RSRC1: variants seen among roughly 807,000 people sequenced by gnomAD.
RSRC1 encodes arginine and serine rich coiled-coil 1, also known as serine/Arginine-related protein 53.
In RSRC1, 39 loss-of-function variants were observed where a neutral mutation model predicts 49.1. The ratio of observed to expected loss-of-function variants is 0.79; its 90% CI spans 0.61 to 1.04. The LOEUF (loss-of-function observed/expected upper bound fraction) is 1.04, where lower values mean the gene tolerates loss of function less well. RSRC1 is among the 50% of genes least tolerant of loss of function. The probability of loss-of-function intolerance (pLI) is 0.00; values close to 1 mark genes in which losing one functional copy is unlikely to be tolerated. For synonymous variants in RSRC1, 143 were observed against 130.8 expected (o/e 1.09, Z -0.63); for missense variants, 388 against 402.4 (o/e 0.96, Z 0.31).
chr3:158,466,727 C>T (rs1173371340), intron 7 of RSRC1, among the ~76,000 whole-genome samples: 1 of 152,166 alleles, frequency 6.6e-6, no homozygotes, highest in Non-Finnish European at 1.5e-5. Context: ...ATGATAAAAG[C>T]TGCCTGGAAT....
intron 6 of RSRC1, among the ~76,000 whole-genome samples, chr3:158,404,838 C>T (rs916552206): frequency 3.3e-5 from 5 of 151,982 alleles, no homozygotes; most frequent in African/African-American, 1.2e-4. Context: ...TCCATTTGTC[C>T]TCCCTCAAAC....
At chr3:158,507,881 T>C (rs1739937555) in intron 7 of RSRC1, among the ~76,000 whole-genome samples, 1 of 152,050 alleles carries the variant, frequency 6.6e-6, no homozygotes, top group African/African-American at 2.4e-5. Context: ...GAGACCAGCC[T>C]AGGTAACATA....
chr3:158,131,700 A>G (rs1716036642), intron 3 of RSRC1, among the ~76,000 whole-genome samples: 1 of 152,116 alleles, frequency 6.6e-6, no homozygotes, highest in African/African-American at 2.4e-5. Flanking sequence ...CATTTTGTGA[A>G]TGTGACATGA....
At chr3:158,331,816 T>G (rs1729563907) in intron 5 of RSRC1, among the ~76,000 whole-genome samples, 1 of 150,960 alleles carries the variant, frequency 6.6e-6, no homozygotes, top group African/African-American at 2.4e-5. Flanking sequence ...CATTTTGGTA[T>G]AGTGGTCTTT....
At chr3:158,337,685 C>T (rs895583771) in intron 5 of RSRC1, among the ~76,000 whole-genome samples, 8 of 152,014 alleles carry the variant, frequency 5.3e-5, no homozygotes, top group African/African-American at 1.9e-4. Flanking sequence ...AACAAGATAC[C>T]TCCATTATGT....
chr3:158,203,365 G>A lies in RSRC1; in HGVS notation c.494+120G>A. The A allele has an allele frequency of 7.0e-6, 7 of 994,458 alleles. No individual in the cohort carries two copies. In the Admixed American group the frequency reaches 9.0e-5, roughly 13 times the overall value. The allele number at this position is 994,458 out of a possible 1,614,324, so 61.6% of individuals were successfully genotyped here. ...ATTTGCTATAAGAGTAGAAGAAAAT[G>A]GAATAAAAAGAGAGAATACAGTAGA... On this transcript the variant is annotated intron_variant, in intron 4 of 9. Coordinates refer to ENST00000611884, the MANE Select transcript of RSRC1 (RefSeq NM_001271838.2).
At chr3:158,190,769 A>G (rs1297802604) in intron 3 of RSRC1, among the ~76,000 whole-genome samples, 1 of 151,662 alleles carries the variant, frequency 6.6e-6, no homozygotes, top group East Asian at 1.9e-4. Context: ...GTTGCTTTGT[A>G]TGGATGTTGG....
At position 158,367,208 on chromosome 3, in the gene RSRC1, C is replaced by T. The variant is rs557396268; in HGVS notation, c.583+12300C>T. Among the ~76,000 whole-genome samples the T allele has an allele frequency of 7.2e-5, 11 of 152,176 alleles. No homozygotes were observed. The East Asian group carries it at 1.5e-3, about 21-fold the overall frequency. On this transcript the variant is annotated intron_variant, in intron 6 of 9. Transcript: ENST00000611884. ...GTGGTGAGAGAGGGCATCCTTGTCT[C>T]GTGCCGGTTTTCAAAGGGCATGCTT...
At chr3:158,278,910 G>A (rs1176318680) in intron 4 of RSRC1, among the ~76,000 whole-genome samples, 1 of 152,096 alleles carries the variant, frequency 6.6e-6, no homozygotes, top group Admixed American at 6.6e-5. Flanking sequence ...ATACTATAAA[G>A]AGTGTTCAGT....
In RSRC1 at chr3:158,284,388, A is replaced by C. The variant is rs573960924; in HGVS notation, c.495-13651A>C. On this transcript the variant is annotated intron_variant, in intron 4 of 9. Coordinates refer to ENST00000611884, the MANE Select transcript of RSRC1 (RefSeq NM_001271838.2). ...GTGTCTTTATAGCGGCATGATTTAT[A>C]GTCCTTTGGGTATATACCCAGTAAT... 8.2e-5 allele frequency among the ~76,000 whole-genome samples: 12 copies of C among 146,856 alleles called. No homozygotes were observed. In the East Asian group the frequency reaches 1.9e-3, roughly 23 times the overall value.
rs1560082397 is a variant in RSRC1 at position 158,545,218 on chromosome 3, T to TTTTTTTTG, written c.*944_*945insTTTTTTGT. 4.3e-5 allele frequency: 6 copies of TTTTTTTTG among 139,460 alleles called. No homozygotes were observed. Among genetic ancestry groups the TTTTTTTTG allele is most frequent in the African/African-American group, 1.7e-4 (6 of 36,276 alleles). The allele number at this position is 139,460 out of a possible 1,614,324, so 8.6% of individuals were successfully genotyped here. A position where few individuals can be genotyped will look rare whatever the true frequency, so the allele number is the denominator to read the frequency against. On this transcript the variant is annotated 3_prime_UTR_variant, in exon 10 of 10. Transcript: ENST00000611884. ...CTTTTTTTTTTTTTTTTTTTTTTTT[T>TTTTTTTTG]TGAGACGGAGTCTCGCTCTATCCCC...
intron 3 of RSRC1, 46 bp from the exon 4 acceptor site, chr3:158,203,026 T>C: frequency 2.0e-6 from 3 of 1,468,546 alleles, no homozygotes; most frequent in Middle Eastern, 1.8e-4. Flanking sequence ...CTTTTCACGA[T>C]ACAAATTATA....
chr3:158,262,219 G>T (rs1465063159), intron 4 of RSRC1, among the ~76,000 whole-genome samples: 1 of 152,082 alleles, frequency 6.6e-6, no homozygotes, highest in Non-Finnish European at 1.5e-5. Flanking sequence ...AAGGTCCAAA[G>T]ATTTTCTTCT....
At chr3:158,200,469 TTTTG>T (rs1420012851) in intron 3 of RSRC1, among the ~76,000 whole-genome samples, 3 of 152,224 alleles carry the variant, frequency 2.0e-5, no homozygotes, top group Non-Finnish European at 2.9e-5. Context: ...TTTTACAATA[TTTTG>T]TTTATTAATA....
intron 7 of RSRC1, among the ~76,000 whole-genome samples, chr3:158,504,170 G>C (rs548692490): frequency 3.9e-5 from 6 of 152,326 alleles, no homozygotes; most frequent in Admixed American, 6.5e-5. Context: ...GTGTGTTCGG[G>C]AGAGGAGGCT....
At chr3:158,474,414 G>A (rs7617165) in intron 7 of RSRC1, among the ~76,000 whole-genome samples, 65,569 of 152,022 alleles carry the variant, frequency 0.43, 14,419 homozygotes, top group African/African-American at 0.52. Context: ...GCAAGTTGCA[G>A]TATTTTTGTT....
chr3:158,351,467 T>C (rs1198437641), intron 5 of RSRC1, among the ~76,000 whole-genome samples: 1 of 152,246 alleles, frequency 6.6e-6, no homozygotes, highest in Non-Finnish European at 1.5e-5. Flanking sequence ...GTTTGATCAA[T>C]GTAACAGTAT....
chr3:158,201,831 T>A (rs1439309832), intron 3 of RSRC1, among the ~76,000 whole-genome samples: 1 of 152,178 alleles, frequency 6.6e-6, no homozygotes, highest in Non-Finnish European at 1.5e-5. Flanking sequence ...TCATATGCTG[T>A]CTTTTCTTTT....
At chr3:158,392,230 A>G (rs1197335392) in intron 6 of RSRC1, among the ~76,000 whole-genome samples, 1 of 152,170 alleles carries the variant, frequency 6.6e-6, no homozygotes, top group Non-Finnish European at 1.5e-5. Context: ...ACTAAAGAAC[A>G]AGTGAAAGCC....
Sources: allele counts gnomAD v4.1 joint callset (sites outside exome capture counted in the v4.1 genomes callset), GRCh38; gene constraint gnomAD v4.1.1; transcripts MANE v1.5; gene names NCBI Gene and HGNC (gene_info 2026-07-23, HGNC 2026-07-21).